Variants in CCDC171 observed in about 807,000 individuals in gnomAD.
CCDC171 encodes coiled-coil domain-containing protein 171.
CCDC171 carries 177 observed loss-of-function variants against 168.2 expected under a neutral mutation model. That is an observed-to-expected ratio of 1.05 (90% CI 0.93 to 1.19). CCDC171 has a LOEUF of 1.19. Ranked by LOEUF, CCDC171 falls within the 50% of genes most tolerant of loss-of-function variation. The probability of loss-of-function intolerance (pLI) is 0.00; values close to 1 mark genes in which losing one functional copy is unlikely to be tolerated. For missense variants in CCDC171, 1,991 were observed against 1,539.0 expected, an observed-to-expected ratio of 1.29 and a Z score of -4.91; for synonymous variants, 687 against 540.8, an observed-to-expected ratio of 1.27 and a Z score of -3.75.
chr9:16,063,101 A>G (rs915311549), downstream of CCDC171, among the ~76,000 whole-genome samples: 1 of 152,220 alleles, frequency 6.6e-6, no homozygotes, highest in Non-Finnish European at 1.5e-5. Flanking sequence ...TGAATCACTG[A>G]TGAATAATGA....
At chr9:16,102,723 C>A in the CCDC171 span, among the ~76,000 whole-genome samples, 1 of 152,146 alleles carries the variant, frequency 6.6e-6, no homozygotes, top group African/African-American at 2.4e-5. Flanking sequence ...ATTCACTTTC[C>A]AACAGCTCTT....
intron 25 of CCDC171, among the ~76,000 whole-genome samples, chr9:15,941,399 T>C (rs993458964): frequency 1.3e-5 from 2 of 151,998 alleles, no homozygotes; most frequent in African/African-American, 4.8e-5. Context: ...AACTTGTTTT[T>C]ATTGTTATTC....
At chr9:15,656,316 C>T (rs1276850909) in intron 7 of CCDC171, among the ~76,000 whole-genome samples, 1 of 148,014 alleles carries the variant, frequency 6.8e-6, no homozygotes, top group African/African-American at 2.5e-5. Flanking sequence ...AGCGAGACTC[C>T]GTCTCAAAAA....
At chr9:15,715,236 G>C (rs2052994507) in intron 11 of CCDC171, among the ~76,000 whole-genome samples, 1 of 152,134 alleles carries the variant, frequency 6.6e-6, no homozygotes, top group East Asian at 1.9e-4. Context: ...GAGTGAGAAG[G>C]ACTTACATAA....
Position 15,578,873 on chromosome 9 carries a change from G to A in CCDC171, c.202G>A (p.Ala68Thr). ...AELASYESQI[A>T]KLRSEVEKGE... ...GCTGGCAAGCTATGAGAGCCAGATT[G>A]CCAAGCTACGGTCCGAGGTTGAAAA... Residue 68 changes from alanine (A) to threonine (T), a missense_variant, in exon 4 of 26, where the codon GCC (alanine) becomes ACC (threonine). Coordinates refer to ENST00000380701, the MANE Select transcript of CCDC171 (RefSeq NM_173550.4). 6.2e-7 allele frequency: 1 copy of A among 1,613,360 alleles called. No homozygotes were observed. The highest frequency in any genetic ancestry group is 8.5e-7 in the Non-Finnish European group (1 of 1,179,684).
chr9:15,834,262 A>T (rs565833827), intron 21 of CCDC171, among the ~76,000 whole-genome samples: 1 of 152,288 alleles, frequency 6.6e-6, no homozygotes, highest in East Asian at 1.9e-4. Flanking sequence ...TGGAATGAGG[A>T]TAAATTTAAA....
intron 6 of CCDC171, among the ~76,000 whole-genome samples, chr9:15,616,463 A>T (rs1423481686): frequency 6.6e-6 from 1 of 151,828 alleles, no homozygotes; most frequent in African/African-American, 2.4e-5. Context: ...TACTATATAA[A>T]ATACTATATA....
chr9:15,677,781 G>GTA (rs1489997517), intron 9 of CCDC171, among the ~76,000 whole-genome samples: 3 of 141,510 alleles, frequency 2.1e-5, no homozygotes, highest in East Asian at 4.2e-4. Context: ...GTGTGTGTGT[G>GTA]TATATATACC....
intron 2 of CCDC171, among the ~76,000 whole-genome samples, chr9:15,567,822 T>A (rs895208065): frequency 6.6e-6 from 1 of 151,886 alleles, no homozygotes; most frequent in African/African-American, 2.4e-5. Flanking sequence ...GCTGGCCAAT[T>A]TTTTTTATTT....
chr9:15,921,153 A>G (rs1825273224), intron 25 of CCDC171, among the ~76,000 whole-genome samples: 1 of 151,740 alleles, frequency 6.6e-6, no homozygotes, highest in Admixed American at 6.6e-5. Context: ...ACAGTGACTT[A>G]TAAAGAAAAA....
chr9:15,728,706 A>G (rs1232155979), intron 15 of CCDC171, among the ~76,000 whole-genome samples: 1 of 152,136 alleles, frequency 6.6e-6, no homozygotes. Context: ...GCAGATCAAC[A>G]TATGCCACCA....
intron 1 of CCDC171, among the ~76,000 whole-genome samples, chr9:15,557,009 A>G (rs2038861513): frequency 1.3e-5 from 2 of 152,118 alleles, no homozygotes; most frequent in Admixed American, 1.3e-4. Flanking sequence ...TCCTTTCCCC[A>G]TTGCTTGTTT....
intron 11 of CCDC171, among the ~76,000 whole-genome samples, chr9:15,696,360 T>A (rs1331772852): frequency 6.6e-6 from 1 of 152,214 alleles, no homozygotes; most frequent in African/African-American, 2.4e-5. Context: ...ATGTTTTAAG[T>A]CTCTGTGTTT....
chr9:15,833,049 G>A (rs2060300471), intron 21 of CCDC171, among the ~76,000 whole-genome samples: 1 of 143,930 alleles, frequency 6.9e-6, no homozygotes, highest in African/African-American at 2.6e-5. Flanking sequence ...ATGCAGTGGC[G>A]CGATTTCGGC....
chr9:15,891,410 A>C (rs1820198637), intron 24 of CCDC171, among the ~76,000 whole-genome samples: 3 of 152,152 alleles, frequency 2.0e-5, no homozygotes. Context: ...TTTTATATTG[A>C]ACCCCAAAAG....
At chr9:15,812,924 T>G (rs1052543108) in intron 21 of CCDC171, among the ~76,000 whole-genome samples, 2 of 152,180 alleles carry the variant, frequency 1.3e-5, no homozygotes, top group African/African-American at 4.8e-5. Context: ...AGGACCTACA[T>G]TTGGACCTCG....
chr9:15,830,136 G>A (rs1334939841), intron 21 of CCDC171, among the ~76,000 whole-genome samples: 3 of 152,160 alleles, frequency 2.0e-5, no homozygotes, highest in African/African-American at 4.8e-5. Flanking sequence ...TGCTGTTTGA[G>A]ATAGCTTTGT....
chr9:15,923,439 T>A (rs999581639), intron 25 of CCDC171, among the ~76,000 whole-genome samples: 1 of 151,262 alleles, frequency 6.6e-6, no homozygotes, highest in Non-Finnish European at 1.5e-5. Flanking sequence ...ATATGTAGAA[T>A]CTAAACAAGT....
chr9:16,034,979 A>G (rs1359027684), intron 6 of CCDC171, among the ~76,000 whole-genome samples: 1 of 152,222 alleles, frequency 6.6e-6, no homozygotes. Flanking sequence ...ACAGTTCCAA[A>G]TTGAGTCTGC....
Sources: gnomAD v4.1 joint callset for allele counts (sites outside exome capture counted in the v4.1 genomes callset) on GRCh38, gnomAD v4.1.1 for gene constraint, MANE v1.5 for transcripts, NCBI Gene and HGNC (gene_info 2026-07-23, HGNC 2026-07-21) for gene names.